ATRNL1: variants seen among roughly 807,000 people sequenced by gnomAD.
The protein encoded by ATRNL1 is attractin-like protein 1.
ATRNL1 carries 95 observed loss-of-function variants against 182.7 expected under a neutral mutation model. That is an observed-to-expected ratio of 0.52 (90% CI 0.44 to 0.62). ATRNL1 has a LOEUF of 0.62. Among genes scored for constraint, ATRNL1 ranks in the 20% least tolerant of loss-of-function variants. The pLI is 0.00. For missense variants in ATRNL1, 1,471 were observed against 1,679.5 expected (o/e 0.88, Z 2.17); for synonymous variants, 576 against 568.3 (o/e 1.01, Z -0.19).
At chr10:115,882,535 T>A (rs1264212703) in intron 28 of ATRNL1, among the ~76,000 whole-genome samples, 1 of 152,204 alleles carries the variant, frequency 6.6e-6, no homozygotes, top group Admixed American at 6.5e-5. Context: ...CTGTAAGACT[T>A]GCTGTCATCT....
At chr10:115,883,659 G>C (rs1555109136) in intron 28 of ATRNL1, among the ~76,000 whole-genome samples, 1 of 152,232 alleles carries the variant, frequency 6.6e-6, no homozygotes, top group Non-Finnish European at 1.5e-5. Context: ...TTCATATGAA[G>C]TTTTTTAAAA....
intron 15 of ATRNL1, among the ~76,000 whole-genome samples, chr10:115,297,703 T>C (rs1266498711): frequency 6.6e-6 from 1 of 151,336 alleles, no homozygotes; most frequent in Non-Finnish European, 1.5e-5. Context: ...TGAAAATTAG[T>C]TCTCACTACC....
intron 28 of ATRNL1, among the ~76,000 whole-genome samples, chr10:115,861,136 C>T (rs911843846): frequency 3.3e-5 from 5 of 152,132 alleles, no homozygotes; most frequent in Non-Finnish European, 1.5e-5. Flanking sequence ...AGCCCCTCTC[C>T]GATATACACA....
chr10:115,306,790 T>G (rs1227733212), intron 17 of ATRNL1, among the ~76,000 whole-genome samples: 13 of 148,666 alleles, frequency 8.7e-5, no homozygotes, highest in Non-Finnish European at 1.8e-4. Context: ...TTATAATCCT[T>G]TGAGACTTTT....
chr10:115,187,674 T>TG (rs1554889019), intron 8 of ATRNL1, among the ~76,000 whole-genome samples: 2 of 149,162 alleles, frequency 1.3e-5, no homozygotes, highest in Non-Finnish European at 3.0e-5. Context: ...TGCTTGGTTT[T>TG]TTTTTTTTTT....
intron 27 of ATRNL1, among the ~76,000 whole-genome samples, chr10:115,847,547 A>G (rs1030541041): frequency 1.3e-5 from 2 of 152,172 alleles, no homozygotes; most frequent in Admixed American, 1.3e-4. Context: ...ATATGCCAAC[A>G]GAATATTTTG....
At chr10:115,683,606 A>G (rs1555045428) in intron 26 of ATRNL1, among the ~76,000 whole-genome samples, 1 of 143,454 alleles carries the variant, frequency 7.0e-6, no homozygotes, top group Admixed American at 7.6e-5. Context: ...TTAACCTCAC[A>G]GCAGCCTCAC....
chr10:115,497,675 T>C (rs2133617046), intron 24 of ATRNL1, among the ~76,000 whole-genome samples: 1 of 151,818 alleles, frequency 6.6e-6, no homozygotes, highest in East Asian at 1.9e-4. Flanking sequence ...TCTTTTTTTT[T>C]TGAGATGGAG....
At chr10:115,177,153 C>T (rs782772483) in intron 8 of ATRNL1, among the ~76,000 whole-genome samples, 1 of 152,108 alleles carries the variant, frequency 6.6e-6, no homozygotes, top group Non-Finnish European at 1.5e-5. Flanking sequence ...ATCAACGGAG[C>T]CACATTCTGC....
At chr10:115,783,472 C>T (rs560080344) in intron 27 of ATRNL1, among the ~76,000 whole-genome samples, 4 of 152,186 alleles carry the variant, frequency 2.6e-5, no homozygotes, top group African/African-American at 9.6e-5. Context: ...TCAGCAGGTT[C>T]ATTTTGAAAA....
At chr10:115,565,819 T>C (rs1854043120) in intron 26 of ATRNL1, among the ~76,000 whole-genome samples, 1 of 152,160 alleles carries the variant, frequency 6.6e-6, no homozygotes, top group Non-Finnish European at 1.5e-5. Context: ...ATTTTTCTAC[T>C]AGTATAAAAG....
intron 19 of ATRNL1, among the ~76,000 whole-genome samples, chr10:115,355,415 T>A (rs1261160345): frequency 2.6e-5 from 4 of 152,162 alleles, no homozygotes; most frequent in African/African-American, 9.7e-5. Context: ...GTACATAGCC[T>A]GGGTAGACTT....
chr10:115,573,165 G>A (rs1854506382), intron 26 of ATRNL1, among the ~76,000 whole-genome samples: 1 of 152,174 alleles, frequency 6.6e-6, no homozygotes, highest in African/African-American at 2.4e-5. Context: ...AAGGGTGAGT[G>A]CAAGGTTTTA....
At chr10:115,159,721 G>C (rs1554882801) in intron 5 of ATRNL1, among the ~76,000 whole-genome samples, 2 of 151,414 alleles carry the variant, frequency 1.3e-5, no homozygotes. Flanking sequence ...ACTGATATTT[G>C]AGTACATTGT....
chr10:115,433,951 A>G (rs1225211626), intron 21 of ATRNL1, among the ~76,000 whole-genome samples: 1 of 152,124 alleles, frequency 6.6e-6, no homozygotes, highest in African/African-American at 2.4e-5. Context: ...TTGTAAGGGT[A>G]CTCAGCTGAG....
intron 28 of ATRNL1, among the ~76,000 whole-genome samples, chr10:115,933,901 G>A (rs1327323641): frequency 6.6e-6 from 1 of 152,040 alleles, no homozygotes; most frequent in African/African-American, 2.4e-5. Context: ...TTTTACCAGG[G>A]AAGCCTCATC....
intron 20 of ATRNL1, among the ~76,000 whole-genome samples, chr10:115,422,033 C>A (rs1345017765): frequency 2.0e-5 from 3 of 152,100 alleles, no homozygotes; most frequent in Non-Finnish European, 4.4e-5. Flanking sequence ...ACACCATATA[C>A]AAAAGTCAAC....
At chr10:115,351,309 T>C (rs551445625) in intron 19 of ATRNL1, among the ~76,000 whole-genome samples, 27 of 152,234 alleles carry the variant, frequency 1.8e-4, no homozygotes, top group African/African-American at 6.5e-4. Flanking sequence ...AAAGTGGGCG[T>C]CTTTGTTGTA....
intron 26 of ATRNL1, among the ~76,000 whole-genome samples, chr10:115,622,186 C>T (rs928510469): frequency 3.3e-5 from 5 of 152,154 alleles, no homozygotes; most frequent in African/African-American, 1.2e-4. Context: ...ATTTGCACTT[C>T]CAGGATATGC....
Sources: gnomAD v4.1 joint callset for allele counts (sites outside exome capture counted in the v4.1 genomes callset) on GRCh38, gnomAD v4.1.1 for gene constraint, MANE v1.5 for transcripts, NCBI Gene and HGNC (gene_info 2026-07-23, HGNC 2026-07-21) for gene names.